CAB39L: variants seen among roughly 807,000 people sequenced by gnomAD.
The protein encoded by CAB39L is calcium binding protein 39 like.
A neutral mutation model predicts 39.1 loss-of-function variants in CAB39L; 23 were observed. The observed-to-expected ratio is 0.59, with a 90% confidence interval of 0.42 to 0.83. The LOEUF is 0.83. Among genes scored for constraint, CAB39L ranks in the 40% least tolerant of loss-of-function variants. CAB39L has a pLI of 0.00. For synonymous variants in CAB39L, 126 were observed against 137.2 expected (o/e 0.92, Z 0.57); for missense variants, 366 against 391.9 (o/e 0.93, Z 0.56).
At chr13:49,400,754 T>C (rs1956752389) in intron 3 of CAB39L, among the ~76,000 whole-genome samples, 1 of 143,414 alleles carries the variant, frequency 7.0e-6, no homozygotes, top group Non-Finnish European at 1.6e-5. Context: ...ATTCAAAATT[T>C]ACTAACAATA....
At chr13:49,429,922 G>A (rs1046574271) in intron 3 of CAB39L, among the ~76,000 whole-genome samples, 1 of 151,998 alleles carries the variant, frequency 6.6e-6, no homozygotes, top group Admixed American at 6.6e-5. Flanking sequence ...TCATAAACAT[G>A]CTTTGTTATT....
chr13:49,440,027 G>A (rs1011708392), intron 1 of CAB39L, among the ~76,000 whole-genome samples: 3 of 145,530 alleles, frequency 2.1e-5, no homozygotes, highest in African/African-American at 7.6e-5. Context: ...CTATTCTGCA[G>A]GTTATCTGTT....
chr13:49,382,872 A>G lies in CAB39L; in HGVS notation c.39T>C (p.Asn13=). 6.2e-7 allele frequency: 1 copy of G among 1,611,894 alleles called. No individual in the cohort carries two copies. The highest frequency in any genetic ancestry group is 8.5e-7 in the Non-Finnish European group (1 of 1,179,018). ...TCAGGATTTTCACAATTTCTGCTGG[A>G]TTTTTGTGTGATTTACTAAACAAAG... is the stretch of plus-strand genomic sequence containing the variant. ...KMPLFSKSHK[N]PAEIVKILKD... Residue 13 remains asparagine (N), a synonymous_variant, in exon 4 of 11, where the codon AAT becomes AAC. Transcript: ENST00000409308.
intron 1 of CAB39L, among the ~76,000 whole-genome samples, chr13:49,438,469 G>C (rs546638963): frequency 7.2e-5 from 11 of 152,084 alleles, no homozygotes; most frequent in Non-Finnish European, 1.2e-4. Flanking sequence ...TTGTTCTCTA[G>C]TATACGCTTC....
At position 49,380,717 on chromosome 13, in the gene CAB39L, GATTA is replaced by G. The variant is rs202246567; in HGVS notation, c.111+2079_111+2082del. Among the ~76,000 whole-genome samples, 910 of 152,136 alleles carry G rather than the reference GATTA, an allele frequency of 6.0e-3. 14 individuals are homozygous for G. Among genetic ancestry groups the G allele is most frequent in the African/African-American group, 0.021 (856 of 41,504 alleles). ...TTAATATAGGTAGGAAAGGAGAGCA[GATTA>G]ATTTAGTTAACAATTTGTCTGAATA... On this transcript the variant is annotated intron_variant, in intron 4 of 10. Coordinates refer to ENST00000409308, the MANE Select transcript of CAB39L (RefSeq NM_001079670.3).
At chr13:49,384,418 C>A (rs899393738) in intron 3 of CAB39L, among the ~76,000 whole-genome samples, 4 of 152,102 alleles carry the variant, frequency 2.6e-5, no homozygotes, top group Non-Finnish European at 4.4e-5. Context: ...GAGTTAGAAC[C>A]AACTTCTTCT....
intron 5 of CAB39L, 55 bp from the exon 6 acceptor site, chr13:49,359,887 T>C (rs1955586049): frequency 1.0e-6 from 1 of 960,766 alleles, no homozygotes. Context: ...ATGAATTGTA[T>C]AGTATGTGGA....
At chr13:49,415,324 G>A (rs543526645) in intron 3 of CAB39L, among the ~76,000 whole-genome samples, 57 of 152,026 alleles carry the variant, frequency 3.7e-4, no homozygotes, top group South Asian at 3.3e-3. Context: ...AGACCAGCCT[G>A]GCCAATATGG....
chr13:49,419,012 A>G (rs1566131227), intron 3 of CAB39L, among the ~76,000 whole-genome samples: 1 of 152,172 alleles, frequency 6.6e-6, no homozygotes, highest in Non-Finnish European at 1.5e-5. Flanking sequence ...TCTGTTGCCC[A>G]TGCTGGGTGC....
chr13:49,353,262 G>C (rs897579410), intron 6 of CAB39L, among the ~76,000 whole-genome samples: 18 of 152,228 alleles, frequency 1.2e-4, no homozygotes, highest in African/African-American at 4.3e-4. Flanking sequence ...TTGTCAGGTG[G>C]GGTTTTATTA....
intron 2 of CAB39L, 26 bp downstream of exon 2, chr13:49,434,060 C>T (rs1272830230): frequency 9.3e-6 from 4 of 431,780 alleles, no homozygotes; most frequent in Non-Finnish European, 1.4e-5. Context: ...TGCTTGTTTC[C>T]CCATCAGAAA....
At chr13:49,325,634 C>T (rs1042145977) in intron 10 of CAB39L, among the ~76,000 whole-genome samples, 1 of 151,954 alleles carries the variant, frequency 6.6e-6, no homozygotes, top group African/African-American at 2.4e-5. Context: ...ACTAAAAATA[C>T]AAAAATTAGC....
intron 10 of CAB39L, among the ~76,000 whole-genome samples, chr13:49,322,001 G>A (rs908399005): frequency 4.6e-5 from 7 of 152,156 alleles, no homozygotes; most frequent in African/African-American, 1.7e-4. Flanking sequence ...TTAAAATTCA[G>A]ACTATATAGT....
intron 3 of CAB39L, among the ~76,000 whole-genome samples, chr13:49,410,492 T>C (rs1205232747): frequency 2.0e-5 from 3 of 152,158 alleles, no homozygotes; most frequent in Non-Finnish European, 2.9e-5. Context: ...ATTATTACTG[T>C]TATAAATCTT....
rs535958221 is a variant in CAB39L, at chr13:49,389,892, C to T, written c.-31-6951G>A. On this transcript the variant is annotated intron_variant, in intron 3 of 10. Transcript: ENST00000409308. ...GGTTGGAGTGCAGTTGTGTAATAAC[C>T]GCTTGCTGCAGTCTTGACCTGTTGG... is the stretch of plus-strand genomic sequence containing the variant. Among the ~76,000 whole-genome samples the T allele has an allele frequency of 2.5e-3, 384 of 152,130 alleles. 1 individual carries two copies. The highest frequency in any genetic ancestry group is 4.1e-3 in the Non-Finnish European group (282 of 67,980).
At chr13:49,356,660 G>A (rs1955493809) in intron 6 of CAB39L, among the ~76,000 whole-genome samples, 2 of 152,120 alleles carry the variant, frequency 1.3e-5, no homozygotes, top group South Asian at 2.1e-4. Flanking sequence ...ATGTGTAAAT[G>A]TACCAATCAA....
intron 10 of CAB39L, among the ~76,000 whole-genome samples, chr13:49,329,543 A>AT (rs1954613477): frequency 6.0e-5 from 2 of 33,416 alleles, no homozygotes; most frequent in African/African-American, 1.8e-4. Flanking sequence ...TTAAAAAAAA[A>AT]AATATATATA....
chr13:49,346,778 A>G (rs1955189822), intron 7 of CAB39L, among the ~76,000 whole-genome samples: 1 of 152,194 alleles, frequency 6.6e-6, no homozygotes, highest in African/African-American at 2.4e-5. Flanking sequence ...TCAAAGGTTA[A>G]CTAAATTGCT....
chr13:49,328,843 T>C (rs984211264), intron 10 of CAB39L, among the ~76,000 whole-genome samples: 5 of 151,914 alleles, frequency 3.3e-5, no homozygotes, highest in Admixed American at 2.0e-4. Context: ...TCAAGAAAAA[T>C]TTCTATTATG....
Sources: allele counts gnomAD v4.1 joint callset (sites outside exome capture counted in the v4.1 genomes callset), GRCh38; gene constraint gnomAD v4.1.1; transcripts MANE v1.5; gene names NCBI Gene and HGNC (gene_info 2026-07-23, HGNC 2026-07-21).